The following GULP1 variants were observed in gnomAD, a reference collection of about 807,000 sequenced individuals.
GULP1 encodes GULP PTB domain containing engulfment adaptor 1, also known as PTB domain-containing engulfment adapter protein 1.
Under a neutral mutation model 40.9 loss-of-function variants are expected in GULP1, and 19 were observed. The ratio of observed to expected loss-of-function variants is 0.46; its 90% confidence interval spans 0.32 to 0.68. The LOEUF is 0.68. Ranked by LOEUF, GULP1 falls within the 30% of genes least tolerant of loss-of-function variation. The pLI, the probability that GULP1 is intolerant of heterozygous loss-of-function variation, is 0.03. For synonymous variants in GULP1, 119 were observed against 117.6 expected, an observed-to-expected ratio of 1.01 and a Z score of -0.08; for missense variants, 312 against 362.2, an observed-to-expected ratio of 0.86 and a Z score of 1.12.
chr2:188,475,997 C>G (rs1452822501), intron 2 of GULP1, among the ~76,000 whole-genome samples: 1 of 152,046 alleles, frequency 6.6e-6, no homozygotes, highest in African/African-American at 2.4e-5. Context: ...AACTAGTTTG[C>G]TCAGGCAACA....
chr2:188,527,899 A>G (rs775433963), intron 5 of GULP1, among the ~76,000 whole-genome samples: 1 of 152,188 alleles, frequency 6.6e-6, no homozygotes, highest in Non-Finnish European at 1.5e-5. Context: ...TACACAGTGC[A>G]AGTAACTGTG....
chr2:188,389,601 A>G (rs752164115), intron 2 of GULP1, among the ~76,000 whole-genome samples: 40 of 152,184 alleles, frequency 2.6e-4, no homozygotes, highest in Non-Finnish European at 4.9e-4. Flanking sequence ...TAAAAAATAA[A>G]GGGAATTAAT....
At chr2:188,485,321 G>C (rs559133663) in intron 4 of GULP1, among the ~76,000 whole-genome samples, 1 of 152,160 alleles carries the variant, frequency 6.6e-6, no homozygotes, top group Admixed American at 6.6e-5. Context: ...ACAGGAAGTA[G>C]AGGGTGCAAA....
intron 2 of GULP1, among the ~76,000 whole-genome samples, chr2:188,399,438 A>G (rs942718380): frequency 2.0e-5 from 3 of 152,122 alleles, no homozygotes; most frequent in African/African-American, 7.2e-5. Flanking sequence ...GACTGCCTGT[A>G]CTAGGAGAGA....
Position 188,306,329 on chromosome 2 carries a change from C to A in GULP1, c.-172+14163C>A, listed in dbSNP as rs138012623. On this transcript the variant is annotated intron_variant, in intron 1 of 11. Coordinates refer to ENST00000409830, the MANE Select transcript of GULP1 (RefSeq NM_016315.4). ...TTATTTTCCTTTTTTTAAAAACAAACCTAAAACCAATTTCTTAATCAAAAT... is the reference window on the plus strand; with the variant it reads ...TTATTTTCCTTTTTTTAAAAACAAAACTAAAACCAATTTCTTAATCAAAAT... Among the ~76,000 whole-genome samples, 1,494 of 152,074 alleles carry A rather than the reference C, an allele frequency of 9.8e-3. 34 individuals are homozygous for A. Among genetic ancestry groups the A allele is most frequent in the African/African-American group, 0.034 (1,409 of 41,460 alleles).
chr2:188,452,184 G>A (rs1013824062), intron 2 of GULP1, among the ~76,000 whole-genome samples: 1 of 152,148 alleles, frequency 6.6e-6, no homozygotes, highest in African/African-American at 2.4e-5. Flanking sequence ...TAAATCTGAA[G>A]ATTAGGCTTT....
At chr2:188,350,782 A>G (rs1230310988) in intron 1 of GULP1, among the ~76,000 whole-genome samples, 2 of 152,100 alleles carry the variant, frequency 1.3e-5, no homozygotes, top group Admixed American at 6.5e-5. Flanking sequence ...TTTTCTGTAC[A>G]CCAGTAGATG....
chr2:188,566,611 C>T (rs1238000513), intron 7 of GULP1, among the ~76,000 whole-genome samples: 3 of 151,530 alleles, frequency 2.0e-5, no homozygotes, highest in Middle Eastern at 3.4e-3. Flanking sequence ...GCCTGGCTAA[C>T]GTGGTGAAAC....
chr2:188,296,062 T>C (rs555445966), intron 1 of GULP1, among the ~76,000 whole-genome samples: 2 of 152,124 alleles, frequency 1.3e-5, no homozygotes, highest in Non-Finnish European at 2.9e-5. Flanking sequence ...TCAAAGATAG[T>C]TACAGAAGCT....
rs1320183266 is a variant in GULP1, at chr2:188,595,865, G to A, written c.*1854G>A. 3 of 152,164 alleles carry A rather than the reference G, an allele frequency of 2.0e-5. No individual in the cohort carries two copies. In the Admixed American group the frequency reaches 2.0e-4, roughly 10 times the overall value. The allele number at this position is 152,164 out of a possible 1,614,324, so 9.4% of individuals were successfully genotyped here. On this transcript the variant is annotated 3_prime_UTR_variant, in exon 12 of 12. Transcript: ENST00000409830. ...TTTTATGAAGATCTGGTTGAAAATT[G>A]TATTTCTATGTAAACTCAACGATAT... is the stretch of plus-strand genomic sequence containing the variant.
rs2058902441 is a variant in GULP1 at position 188,452,374 on chromosome 2, G to T, written c.-44-25285G>T. 6.6e-5 allele frequency among the ~76,000 whole-genome samples: 10 copies of T among 152,182 alleles called. No homozygotes were observed. In the South Asian group the frequency reaches 2.1e-3, roughly 32 times the overall value. On this transcript the variant is annotated intron_variant, in intron 2 of 11. Transcript: ENST00000409830. ...GGGATTCTGCCTGACAACAATTTTA[G>T]GATATAAAAATGCAAAATAAAGAGA...
rs1375843097 is a variant in GULP1, at chr2:188,292,546, G to A, written c.-172+380G>A. Among the ~76,000 whole-genome samples the A allele has an allele frequency of 1.3e-5, 2 of 152,174 alleles. No homozygotes were observed. The highest frequency in any genetic ancestry group is 6.5e-5 in the Admixed American group (1 of 15,286). On this transcript the variant is annotated intron_variant, in intron 1 of 11. Coordinates refer to ENST00000409830, the MANE Select transcript of GULP1 (RefSeq NM_016315.4). The surrounding 1 kb of genome is among the most constrained non-coding windows in gnomAD (Gnocchi z 4.0). ...GGGGGGCCGGTGAGCAGGAACTGGA[G>A]GGAGGCGGTGGGGAAACCGTGGATC...
chr2:188,407,792 T>A (rs1279678403), intron 2 of GULP1, among the ~76,000 whole-genome samples: 1 of 152,136 alleles, frequency 6.6e-6, no homozygotes, highest in Non-Finnish European at 1.5e-5. Context: ...TCGTTTCCTA[T>A]CAATAATTAC....
intron 4 of GULP1, among the ~76,000 whole-genome samples, chr2:188,502,268 G>C (rs2063506845): frequency 6.6e-6 from 1 of 151,762 alleles, no homozygotes; most frequent in Non-Finnish European, 1.5e-5. Flanking sequence ...AAGTTGTCCT[G>C]ATTTACTCTA....
At chr2:188,409,716 A>G (rs964158221) in intron 2 of GULP1, among the ~76,000 whole-genome samples, 3 of 152,208 alleles carry the variant, frequency 2.0e-5, no homozygotes, top group Admixed American at 6.5e-5. Context: ...TCAACAAAAT[A>G]CTAGCATACT....
intron 2 of GULP1, among the ~76,000 whole-genome samples, chr2:188,461,532 C>T (rs982777473): frequency 2.0e-5 from 3 of 151,664 alleles, no homozygotes; most frequent in South Asian, 2.1e-4. Flanking sequence ...CTCAAACTCC[C>T]GACCTCAGGT....
chr2:188,341,105 C>T (rs749680209), intron 1 of GULP1, among the ~76,000 whole-genome samples: 3 of 152,022 alleles, frequency 2.0e-5, no homozygotes, highest in South Asian at 2.1e-4. Context: ...GCTGTGGTTC[C>T]GGGCTTGAGA....
intron 2 of GULP1, among the ~76,000 whole-genome samples, chr2:188,388,607 A>T (rs1183462927): frequency 6.6e-6 from 1 of 152,114 alleles, no homozygotes; most frequent in African/African-American, 2.4e-5. Flanking sequence ...GTGTTAGACT[A>T]ATGAAGAGAG....
intron 4 of GULP1, among the ~76,000 whole-genome samples, chr2:188,484,220 A>T (rs1300218093): frequency 1.3e-5 from 2 of 152,282 alleles, no homozygotes; most frequent in African/African-American, 4.8e-5. Flanking sequence ...AATTATTTTT[A>T]AAAAGCACAC....
Sources: gnomAD v4.1 joint callset for allele counts (sites outside exome capture counted in the v4.1 genomes callset) on GRCh38, gnomAD v4.1.1 for gene constraint, Gnocchi (gnomAD v3.1) non-coding constraint, MANE v1.5 for transcripts, NCBI Gene and HGNC (gene_info 2026-07-23, HGNC 2026-07-21) for gene names.